Variants in MTUS1 observed in about 807,000 individuals in gnomAD.
The protein encoded by MTUS1 is microtubule associated scaffold protein 1.
MTUS1 carries 109 observed loss-of-function variants against 120.8 expected under a neutral mutation model. That is an observed-to-expected ratio of 0.90 (90% CI 0.77 to 1.06). MTUS1 has a LOEUF of 1.06. Among genes scored for constraint, MTUS1 ranks in the 50% least tolerant of loss-of-function variants. The pLI is 0.00. For missense variants in MTUS1, 2,210 were observed against 1,486.3 expected, an observed-to-expected ratio of 1.49 and a Z score of -8.01; for synonymous variants, 737 against 550.5, an observed-to-expected ratio of 1.34 and a Z score of -4.74.
At chr8:17,668,787 A>C (rs1227863673) in intron 8 of MTUS1, among the ~76,000 whole-genome samples, 2 of 152,186 alleles carry the variant, frequency 1.3e-5, no homozygotes, top group African/African-American at 4.8e-5. Flanking sequence ...TACTAAGCCC[A>C]GTACCCGATA....
At chr8:17,712,491 C>T (rs1031839778) in intron 6 of MTUS1, among the ~76,000 whole-genome samples, 1 of 152,054 alleles carries the variant, frequency 6.6e-6, no homozygotes, top group African/African-American at 2.4e-5. Flanking sequence ...AGCGTACCAC[C>T]ACGTCCGGCA....
At position 17,755,004 on chromosome 8, in the gene MTUS1, T is replaced by C. The variant is rs866988142; in HGVS notation, c.804A>G (p.Ser268=). Reference sequence around the variant, plus strand: ...CTGTGTACTCACTGGTGACCTTTCCTGAAGAACATGCACACTGATTTCCAA... The same window carrying C: ...CTGTGTACTCACTGGTGACCTTTCCCGAAGAACATGCACACTGATTTCCAA... ...SDIGNQCACS[S]GKVTSEYTDG... The change falls in exon 2 of 15, where the codon TCA becomes TCG. Residue 268 remains serine (S), a synonymous_variant. Coordinates refer to ENST00000693296, the MANE Select transcript of MTUS1 (RefSeq NM_001363059.2). 8 of 1,614,110 alleles carry C rather than the reference T, an allele frequency of 5.0e-6. No homozygotes were observed. In the Middle Eastern group the frequency reaches 4.9e-4, roughly 100 times the overall value.
rs2048420774 is a variant in MTUS1, at chr8:17,754,278, G to C, written c.1530C>G (p.Val510=). 1 of 1,613,888 alleles carries C rather than the reference G, an allele frequency of 6.2e-7. No homozygotes were observed. The highest frequency in any genetic ancestry group is 8.5e-7 in the Non-Finnish European group (1 of 1,180,016). Residue 510 remains valine, a synonymous_variant, in exon 2 of 15, where the codon GTC becomes GTG. Coordinates refer to ENST00000693296, the MANE Select transcript of MTUS1 (RefSeq NM_001363059.2). ...CTGCTCTAGACATAACTTTTGCTTT[G>C]ACATTCTTGAAGTTTGGTCTTGGGT... The part of the protein sequence containing the change: ...ISYPRPNFKN[V]KAKVMSRAVL...
chr8:17,790,246 G>A (rs747470448), intron 1 of MTUS1, among the ~76,000 whole-genome samples: 7 of 151,894 alleles, frequency 4.6e-5, no homozygotes, highest in Admixed American at 3.3e-4. Context: ...TACTCGGGAG[G>A]CTGAGGTAGG....
intron 6 of MTUS1, among the ~76,000 whole-genome samples, chr8:17,698,771 T>C (rs750906142): frequency 2.0e-5 from 3 of 151,972 alleles, no homozygotes; most frequent in Admixed American, 6.6e-5. Flanking sequence ...ATTTTAGAGG[T>C]TGTCAGCAAG....
chr8:17,729,129 C>G (rs1354745653), intron 3 of MTUS1, among the ~76,000 whole-genome samples: 3 of 152,242 alleles, frequency 2.0e-5, no homozygotes, highest in Non-Finnish European at 4.4e-5. Flanking sequence ...AATTATATAA[C>G]TTGGGTTCCT....
intron 8 of MTUS1, among the ~76,000 whole-genome samples, chr8:17,667,660 G>A (rs747038324): frequency 6.6e-5 from 10 of 152,194 alleles, no homozygotes; most frequent in South Asian, 2.1e-4. Context: ...GCAAACGAGC[G>A]TTTATTTCAA....
At chr8:17,687,337 T>A (rs1047514991) in intron 6 of MTUS1, among the ~76,000 whole-genome samples, 2 of 152,128 alleles carry the variant, frequency 1.3e-5, no homozygotes. Context: ...TCAGAGATGA[T>A]GCAAAAATCT....
chr8:17,656,277 C>A (rs1362808420), intron 8 of MTUS1, among the ~76,000 whole-genome samples: 3 of 152,074 alleles, frequency 2.0e-5, no homozygotes, highest in African/African-American at 7.2e-5. Context: ...CCTGTAATCC[C>A]AGCACTTTGG....
chr8:17,791,550 C>T (rs978649621), intron 1 of MTUS1, among the ~76,000 whole-genome samples: 2 of 152,176 alleles, frequency 1.3e-5, no homozygotes, highest in African/African-American at 4.8e-5. Flanking sequence ...AATTTACAGA[C>T]TTTACCAAAG....
intron 5 of MTUS1, among the ~76,000 whole-genome samples, chr8:17,713,769 A>G (rs1821790239): frequency 6.6e-6 from 1 of 152,208 alleles, no homozygotes; most frequent in Admixed American, 6.5e-5. Flanking sequence ...AAAGAAATCT[A>G]TGATGCTTCT....
intron 1 of MTUS1, among the ~76,000 whole-genome samples, chr8:17,789,702 C>T (rs899613805): frequency 6.6e-6 from 1 of 152,186 alleles, no homozygotes; most frequent in African/African-American, 2.4e-5. Context: ...CTATGTTAGG[C>T]TTTCTGCTAG....
At chr8:17,732,995 T>G (rs979806125) in intron 3 of MTUS1, among the ~76,000 whole-genome samples, 5 of 152,278 alleles carry the variant, frequency 3.3e-5, no homozygotes, top group African/African-American at 1.2e-4. Context: ...CTCAGAGTGA[T>G]CCCATTAACA....
At chr8:17,703,245 T>G (rs532351012) in intron 6 of MTUS1, among the ~76,000 whole-genome samples, 1 of 152,248 alleles carries the variant, frequency 6.6e-6, no homozygotes, top group East Asian at 1.9e-4. Flanking sequence ...ATTCTTTTCC[T>G]AGCAAGGAAT....
chr8:17,730,876 T>C (rs545011017), intron 3 of MTUS1, among the ~76,000 whole-genome samples: 2 of 152,268 alleles, frequency 1.3e-5, no homozygotes, highest in South Asian at 4.1e-4. Context: ...GAAAACAAAG[T>C]TCTGGAGATG....
chr8:17,651,950 T>C (rs930740046), intron 12 of MTUS1, among the ~76,000 whole-genome samples: 33 of 152,328 alleles, frequency 2.2e-4, no homozygotes, highest in African/African-American at 6.5e-4. Context: ...CTAGAATAAA[T>C]AGCTTTGAAG....
chr8:17,692,671 A>G (rs1024551603), intron 6 of MTUS1, among the ~76,000 whole-genome samples: 2 of 152,132 alleles, frequency 1.3e-5, no homozygotes, highest in Admixed American at 6.5e-5. Flanking sequence ...GGTCTAATTG[A>G]GGGTGCAGGG....
chr8:17,722,144 TAAACCC>T, intron 4 of MTUS1: 3 of 1,177,066 alleles, frequency 2.5e-6, no homozygotes, highest in Non-Finnish European at 3.2e-6. Context: ...GGGTGTATGG[TAAACCC>T]CTTTGTTAAA....
At chr8:17,677,983 T>C (rs762457786) in intron 7 of MTUS1, among the ~76,000 whole-genome samples, 2 of 152,144 alleles carry the variant, frequency 1.3e-5, no homozygotes, top group African/African-American at 2.4e-5. Context: ...TACCTAGAAC[T>C]AGAACATCCA....
Sources: allele counts gnomAD v4.1 joint callset (sites outside exome capture counted in the v4.1 genomes callset), GRCh38; gene constraint gnomAD v4.1.1; transcripts MANE v1.5; gene names NCBI Gene and HGNC (gene_info 2026-07-23, HGNC 2026-07-21).